Variants in FAM3D observed in about 807,000 individuals in gnomAD.
The protein encoded by FAM3D is protein FAM3D.
Under a neutral mutation model 29.8 loss-of-function variants are expected in FAM3D, and 26 were observed. The observed-to-expected ratio is 0.87, with a 90% CI of 0.64 to 1.21. The LOEUF (loss-of-function observed/expected upper bound fraction) is 1.21. Ranked by LOEUF, FAM3D falls within the 50% of genes most tolerant of loss-of-function variation. The pLI, the probability that FAM3D is intolerant of heterozygous loss-of-function variation, is 0.00. For missense variants in FAM3D, 253 were observed against 290.9 expected (o/e 0.87, Z 0.95); for synonymous variants, 115 against 102.3 (o/e 1.12, Z -0.75).
intron 6 of FAM3D, among the ~76,000 whole-genome samples, chr3:58,642,163 C>T (rs867671375): frequency 2.0e-5 from 3 of 152,256 alleles, no homozygotes; most frequent in East Asian, 1.9e-4. Context: ...TGCAGAGGAA[C>T]GGCTGCACTC....
At chr3:58,648,391 C>T (rs1489911608) in intron 4 of FAM3D, among the ~76,000 whole-genome samples, 1 of 152,042 alleles carries the variant, frequency 6.6e-6, no homozygotes, top group Non-Finnish European at 1.5e-5. Context: ...ATGGAGAGGG[C>T]CTGGAGGTGC....
At position 58,643,727 on chromosome 3, in the gene FAM3D, A is replaced by G; in HGVS notation, c.264-7T>C. 1 of 1,613,914 alleles carries G rather than the reference A, an allele frequency of 6.2e-7. No individual in the cohort carries two copies. The highest frequency in any genetic ancestry group is 1.1e-5 in the South Asian group (1 of 91,060). On this transcript the variant is annotated splice_polypyrimidine_tract_variant and splice_region_variant and intron_variant, in intron 5 of 9. Coordinates refer to ENST00000358781, the MANE Select transcript of FAM3D (RefSeq NM_138805.3). Reference sequence around the variant, plus strand: ...TTTCACAGGACTCATGATCCTGAAGACAATGAAGAAGAAATATGACAGTCG... The same window carrying G: ...TTTCACAGGACTCATGATCCTGAAGGCAATGAAGAAGAAATATGACAGTCG...
rs1051161173 is a variant in FAM3D at position 58,658,171 on chromosome 3, T to G, written c.-38-2570A>C. Among the ~76,000 whole-genome samples, 3 of 152,214 alleles carry G rather than the reference T, an allele frequency of 2.0e-5. No individual in the cohort carries two copies. The East Asian group carries it at 5.8e-4, about 29-fold the overall frequency. On this transcript the variant is annotated intron_variant, in intron 1 of 9. Coordinates refer to ENST00000358781, the MANE Select transcript of FAM3D (RefSeq NM_138805.3). ...CCATAGCTCCCTTCTCATTTCTGAC[T>G]GCAGGTCAGCCGTGTGTGTAAGCCC...
chr3:58,634,439 C>T lies in FAM3D; in HGVS notation c.586-71G>A. On this transcript the variant is annotated intron_variant, in intron 9 of 9. Coordinates refer to ENST00000358781, the MANE Select transcript of FAM3D (RefSeq NM_138805.3). This position sits in a 1 kb window ranked among gnomAD's most constrained non-coding sequence, Gnocchi z 4.6. ...TTCAGAACTCATGCCCACATGGACA[C>T]TGTGCTCTAAACCTAAATGGGGGTG... 7.2e-7 allele frequency: 1 copy of T among 1,390,778 alleles called. No homozygotes were observed. Among genetic ancestry groups the T allele is most frequent in the Non-Finnish European group, 1.0e-6 (1 of 992,828 alleles). 86.2% of individuals were successfully genotyped at this position (1,390,778 alleles called of 1,614,324 possible).
At chr3:58,664,883 G>A (rs565679872) in intron 1 of FAM3D, among the ~76,000 whole-genome samples, 1 of 152,356 alleles carries the variant, frequency 6.6e-6, no homozygotes, top group East Asian at 1.9e-4. Flanking sequence ...CCCCAGGCAG[G>A]CTTGTCGGCT....
rs35045921 is a variant in FAM3D, at chr3:58,653,738, T to C, written c.57A>G (p.Thr19=). The C allele has an allele frequency of 5.0e-6, 8 of 1,614,072 alleles. No individual in the cohort carries two copies. Among genetic ancestry groups the C allele is most frequent in the Middle Eastern group, 1.7e-4 (1 of 6,038 alleles). Residue 19 remains threonine (T), a synonymous_variant, in exon 3 of 10, where the codon ACA becomes ACG. Transcript: ENST00000358781. ...TCATGTAGCTTCGAATAAACATCCATGTCGTGACTATGGCAAAGATGAGGG... is the reference window on the plus strand; with the variant it reads ...TCATGTAGCTTCGAATAAACATCCACGTCGTGACTATGGCAAAGATGAGGG... ...LLALIFAIVT[T]WMFIRSYMSF... is the part of the protein sequence containing the mutation.
At chr3:58,656,201 C>T (rs115252890) in intron 1 of FAM3D, among the ~76,000 whole-genome samples, 212 of 152,310 alleles carry the variant, frequency 1.4e-3, no homozygotes, top group African/African-American at 4.9e-3. Flanking sequence ...AGAGTAATCA[C>T]AACTCACGTA....
chr3:58,644,595 G>A (rs895941985), intron 5 of FAM3D, among the ~76,000 whole-genome samples: 1 of 152,136 alleles, frequency 6.6e-6, no homozygotes, highest in African/African-American at 2.4e-5. Flanking sequence ...GGACTAATAC[G>A]CTGGGCTAGG....
chr3:58,638,614 C>T (rs1231684689), intron 7 of FAM3D, among the ~76,000 whole-genome samples: 3 of 152,232 alleles, frequency 2.0e-5, no homozygotes, highest in Non-Finnish European at 4.4e-5. Context: ...TTCAAGACCA[C>T]GATGGCAGAG....
At chr3:58,658,475 G>A (rs13084516) in intron 1 of FAM3D, among the ~76,000 whole-genome samples, 145,732 of 152,236 alleles carry the variant, frequency 0.96, 70,100 homozygotes, top group East Asian at 1. Context: ...GAGCAGCCCC[G>A]GGCCTTTGCA....
chr3:58,665,949 G>A (rs149176667), intron 1 of FAM3D, among the ~76,000 whole-genome samples: 28 of 152,300 alleles, frequency 1.8e-4, no homozygotes, highest in African/African-American at 6.3e-4. Flanking sequence ...TACAGATGAG[G>A]AAACTGAGTC....
At chr3:58,643,769 G>T (rs774111767) in intron 5 of FAM3D, 49 bp from the exon 6 acceptor site, 2 of 1,546,552 alleles carry the variant, frequency 1.3e-6, no homozygotes, top group East Asian at 2.2e-5. Flanking sequence ...AGTGTGGAAT[G>T]AACACTCTGC....
intron 3 of FAM3D, 140 bp downstream of exon 3, chr3:58,653,534 C>T (rs1321258656): frequency 4.9e-6 from 4 of 809,682 alleles, no homozygotes; most frequent in Non-Finnish European, 8.2e-6. Context: ...GGGGTGCCCC[C>T]TCTCCCTGCA....
intron 5 of FAM3D, among the ~76,000 whole-genome samples, 185 bp downstream of exon 5, chr3:58,645,324 G>A (rs1197151974): frequency 6.6e-6 from 1 of 152,172 alleles, no homozygotes; most frequent in Non-Finnish European, 1.5e-5. Context: ...GAAGCACCAG[G>A]CAAGGTGCTG....
intron 8 of FAM3D, 52 bp downstream of exon 8, chr3:58,637,089 G>A: frequency 2.0e-6 from 3 of 1,484,228 alleles, no homozygotes; most frequent in Non-Finnish European, 9.4e-7. Context: ...AGGGTTTGAA[G>A]GTATTCAGTT....
intron 8 of FAM3D, 64 bp downstream of exon 8, chr3:58,637,077 G>A (rs2066191914): frequency 4.3e-6 from 6 of 1,382,766 alleles, no homozygotes; most frequent in Non-Finnish European, 6.1e-6. Context: ...AAAAGGGTGT[G>A]CAGGGTTTGA....
rs1158304179 is a variant in FAM3D, at chr3:58,635,658, C to T, written c.585+636G>A. Reference sequence around the variant, plus strand: ...CCCGGCCGCCCCCGCCCACCGGCCTCCTGCGTTCTTCACTGCGTTCAAGTA... The same window carrying T: ...CCCGGCCGCCCCCGCCCACCGGCCTTCTGCGTTCTTCACTGCGTTCAAGTA... On this transcript the variant is annotated intron_variant, in intron 9 of 9. Coordinates refer to ENST00000358781, the MANE Select transcript of FAM3D (RefSeq NM_138805.3). This position sits in a 1 kb window ranked among gnomAD's most constrained non-coding sequence, Gnocchi z 5.2. Among the ~76,000 whole-genome samples the T allele has an allele frequency of 6.6e-6, 1 of 152,238 alleles. No individual in the cohort carries two copies. The highest frequency in any genetic ancestry group is 1.5e-5 in the Non-Finnish European group (1 of 68,048).
intron 1 of FAM3D, among the ~76,000 whole-genome samples, chr3:58,659,738 G>A (rs1349627542): frequency 6.6e-6 from 1 of 152,212 alleles, no homozygotes; most frequent in South Asian, 2.1e-4. Context: ...TTCCGTTTGG[G>A]AAAGGAAACT....
At chr3:58,666,118 G>T (rs1408068966) in intron 1 of FAM3D, among the ~76,000 whole-genome samples, 1 of 152,118 alleles carries the variant, frequency 6.6e-6, no homozygotes, top group East Asian at 1.9e-4. Context: ...AAATATTTGT[G>T]TGGCTCACTG....
Sources: gnomAD v4.1 joint callset for allele counts (sites outside exome capture counted in the v4.1 genomes callset) on GRCh38, gnomAD v4.1.1 for gene constraint, Gnocchi (gnomAD v3.1) non-coding constraint, MANE v1.5 for transcripts, NCBI Gene and HGNC (gene_info 2026-07-23, HGNC 2026-07-21) for gene names.